Variants in TRPC1 observed in about 807,000 individuals in gnomAD.
The protein encoded by TRPC1 is short transient receptor potential channel 1.
TRPC1 carries 42 observed loss-of-function variants against 88.2 expected under a neutral mutation model. The observed-to-expected ratio is 0.48, with a 90% CI of 0.37 to 0.62. TRPC1 has a LOEUF of 0.62. Ranked by LOEUF, TRPC1 falls within the 20% of genes least tolerant of loss-of-function variation. The pLI, the probability that TRPC1 is intolerant of heterozygous loss-of-function variation, is 0.00. For synonymous variants in TRPC1, 288 were observed against 331.8 expected (o/e 0.87, Z 1.43); for missense variants, 699 against 957.3 (o/e 0.73, Z 3.56).
At chr3:142,762,223 A>G (rs1935204719) in intron 4 of TRPC1, among the ~76,000 whole-genome samples, 1 of 151,922 alleles carries the variant, frequency 6.6e-6, no homozygotes, top group Non-Finnish European at 1.5e-5. Flanking sequence ...TTTTGTAGAG[A>G]TGGGGTTTCA....
At chr3:142,797,253 TC>T (rs1936483012) in intron 9 of TRPC1, among the ~76,000 whole-genome samples, 1 of 151,730 alleles carries the variant, frequency 6.6e-6, no homozygotes, top group Non-Finnish European at 1.5e-5. Context: ...CTAAAGTTCC[TC>T]CCCTTCCTAC....
At chr3:142,794,527 A>T (rs1404669449) in intron 9 of TRPC1, among the ~76,000 whole-genome samples, 2 of 152,168 alleles carry the variant, frequency 1.3e-5, no homozygotes, top group African/African-American at 4.8e-5. Flanking sequence ...GTGATCTCTA[A>T]GAAACAAGAA....
At chr3:142,781,125 C>A in intron 6 of TRPC1, 96 bp downstream of exon 6, 2 of 972,164 alleles carry the variant, frequency 2.1e-6, no homozygotes, top group Non-Finnish European at 2.8e-6. Context: ...GGGTTAAGAT[C>A]CTAGTTCTGC....
intron 5 of TRPC1, among the ~76,000 whole-genome samples, chr3:142,778,236 C>T (rs571112123): frequency 6.6e-6 from 1 of 152,144 alleles, no homozygotes; most frequent in African/African-American, 2.4e-5. Flanking sequence ...TCACTATTTG[C>T]TCAGATTTTC....
rs1421980985 is a variant in TRPC1, at chr3:142,767,922, A to C, written c.633-9710A>C. Among the ~76,000 whole-genome samples the C allele has an allele frequency of 5.4e-5, 8 of 149,530 alleles. No homozygotes were observed. The highest frequency in any genetic ancestry group is 1.2e-4 in the Non-Finnish European group (8 of 67,196). ...AATTGTGTGTGTATGTTTTTTTTTT[A>C]ACTTTTCTGATGGTATCCTTTGAAG... On this transcript the variant is annotated intron_variant, in intron 4 of 12. Coordinates refer to ENST00000476941, the MANE Select transcript of TRPC1 (RefSeq NM_001251845.2). This position sits in a 1 kb window ranked among gnomAD's most constrained non-coding sequence, Gnocchi z 5.1.
intron 7 of TRPC1, among the ~76,000 whole-genome samples, chr3:142,787,690 T>A (rs968327456): frequency 1.4e-4 from 22 of 152,058 alleles, no homozygotes; most frequent in African/African-American, 2.4e-5. Context: ...AAAAGCCAAA[T>A]AAAACCATCA....
At position 142,804,063 on chromosome 3, in the gene TRPC1, A is replaced by G. The variant is rs1436741726; in HGVS notation, c.1844A>G (p.Glu615Gly). The change falls in exon 11 of 13, where the codon GAA (glutamate) becomes GGA (glycine). Residue 615 changes from glutamate to glycine, a missense_variant. By Grantham distance (98) the Glu-to-Gly change is moderately conservative (BLOSUM62 -2). Around this residue, in one of 4 missense-constraint regions of TRPC1, gnomAD observed 426 missense variants for 641.3 expected, o/e 0.66. Transcript: ENST00000476941. The part of the protein sequence containing the change: ...AIFVTRFSYG[E>G]ELQSFVGAVI... ...TTTGTCACAAGATTTAGCTATGGAG[A>G]AGAACTGCAGTCCTTTGTGGGAGCT... 2 of 1,613,694 alleles carry G rather than the reference A, an allele frequency of 1.2e-6. No homozygotes were observed. The highest frequency in any genetic ancestry group is 8.5e-7 in the Non-Finnish European group (1 of 1,179,870).
rs1007551569 is a variant in TRPC1, at chr3:142,806,332, TAAAG to T, written c.*100_*103del. 53 of 916,910 alleles carry T rather than the reference TAAAG, an allele frequency of 5.8e-5. No individual in the cohort carries two copies. Among genetic ancestry groups the T allele is most frequent in the Non-Finnish European group, 7.7e-5 (48 of 620,430 alleles). The allele number at this position is 916,910 out of a possible 1,614,324, so 56.8% of individuals were successfully genotyped here. ...GAAATTAATGAGATATATATTGAAA[TAAAG>T]AATTATGTAAAAGCCATTCTTTAAA... On this transcript the variant is annotated 3_prime_UTR_variant, in exon 13 of 13. Coordinates refer to ENST00000476941, the MANE Select transcript of TRPC1 (RefSeq NM_001251845.2).
intron 4 of TRPC1, among the ~76,000 whole-genome samples, chr3:142,754,789 C>T (rs1046268776): frequency 9.9e-5 from 15 of 152,014 alleles, no homozygotes; most frequent in Non-Finnish European, 2.9e-5. Flanking sequence ...AGGAAAATGG[C>T]TTGGGAGAGA....
rs375641789 is a variant in TRPC1 at position 142,791,210 on chromosome 3, T to C, written c.1437+52T>C. 11 of 1,504,606 alleles carry C rather than the reference T, an allele frequency of 7.3e-6. No individual in the cohort carries two copies. The African/African-American group carries it at 1.3e-4, about 17-fold the overall frequency. 93.2% of individuals were successfully genotyped at this position (1,504,606 alleles called of 1,614,324 possible). On this transcript the variant is annotated intron_variant, in intron 8 of 12. Coordinates refer to ENST00000476941, the MANE Select transcript of TRPC1 (RefSeq NM_001251845.2). Reference sequence around the variant, plus strand: ...GCACAAATTAAGTTTATTTTGGAAATAGCTAAGATATTTAGCTATGTAACT... The same window carrying C: ...GCACAAATTAAGTTTATTTTGGAAACAGCTAAGATATTTAGCTATGTAACT...
intron 4 of TRPC1, among the ~76,000 whole-genome samples, chr3:142,761,792 C>T (rs1025786038): frequency 6.6e-6 from 1 of 152,028 alleles, no homozygotes; most frequent in Non-Finnish European, 1.5e-5. Flanking sequence ...CTTCATGGCT[C>T]AATCATGGTA....
intron 4 of TRPC1, among the ~76,000 whole-genome samples, chr3:142,755,485 CA>C (rs1446915717): frequency 6.6e-6 from 1 of 152,204 alleles, no homozygotes; most frequent in African/African-American, 2.4e-5. Flanking sequence ...CTAGTCTCAT[CA>C]ATGGCTTAGT....
At chr3:142,752,371 G>C (rs918454165) in intron 4 of TRPC1, among the ~76,000 whole-genome samples, 1 of 152,380 alleles carries the variant, frequency 6.6e-6, no homozygotes, top group Non-Finnish European at 1.5e-5. Flanking sequence ...GGACGTGCAC[G>C]TAGGCCAGAT....
intron 4 of TRPC1, among the ~76,000 whole-genome samples, chr3:142,758,691 A>G (rs1462147128): frequency 6.6e-6 from 1 of 150,922 alleles, no homozygotes; most frequent in Non-Finnish European, 1.5e-5. Flanking sequence ...TTTTTTTTCA[A>G]TTATACTTTA....
intron 9 of TRPC1, among the ~76,000 whole-genome samples, chr3:142,797,910 A>C (rs1936501016): frequency 6.6e-6 from 1 of 152,166 alleles, no homozygotes; most frequent in South Asian, 2.1e-4. Context: ...GATAATTATC[A>C]GATTTAATTT....
intron 4 of TRPC1, among the ~76,000 whole-genome samples, chr3:142,763,999 CAT>C (rs1387615813): frequency 0.033 from 1,320 of 39,748 alleles, 55 homozygotes; most frequent in African/African-American, 0.11. Context: ...TACATACATA[CAT>C]ATATATATAT....
rs772445938 is a variant in TRPC1 at position 142,807,495 on chromosome 3, T to C, written c.*1260T>C. 3.3e-5 allele frequency: 5 copies of C among 152,218 alleles called. No homozygotes were observed. Among genetic ancestry groups the C allele is most frequent in the Non-Finnish European group, 5.9e-5 (4 of 68,030 alleles). 9.4% of individuals were successfully genotyped at this position (152,218 alleles called of 1,614,324 possible). A position where few individuals can be genotyped will look rare whatever the true frequency, so the allele number is the denominator to read the frequency against. Reference sequence around the variant, plus strand: ...ATATAATTCTCTTCTTAACCGAATGTCAGATGGTCTTACGCCACAGGGTGC... The same window carrying C: ...ATATAATTCTCTTCTTAACCGAATGCCAGATGGTCTTACGCCACAGGGTGC... On this transcript the variant is annotated 3_prime_UTR_variant, in exon 13 of 13. Coordinates refer to ENST00000476941, the MANE Select transcript of TRPC1 (RefSeq NM_001251845.2).
rs139392385 is a variant in TRPC1, at chr3:142,805,774, G to A, written c.2155-234G>A. On this transcript the variant is annotated intron_variant, in intron 12 of 12. Coordinates refer to ENST00000476941, the MANE Select transcript of TRPC1 (RefSeq NM_001251845.2). ...TTTGCCAATCCCTGCTATAAACTAAGGATTCCTAAGACTAATTTTTTTCAA... is the reference window on the plus strand; with the variant it reads ...TTTGCCAATCCCTGCTATAAACTAAAGATTCCTAAGACTAATTTTTTTCAA... Among the ~76,000 whole-genome samples the A allele has an allele frequency of 7.9e-4, 120 of 152,020 alleles. 1 individual carries two copies. The highest frequency in any genetic ancestry group is 3.3e-3 in the East Asian group (17 of 5,160).
Position 142,781,035 on chromosome 3 carries a change from A to C in TRPC1, c.960+6A>C, listed in dbSNP as rs1560111952. On this transcript the variant is annotated splice_donor_region_variant and intron_variant, in intron 6 of 12. Transcript: ENST00000476941. ...TCAAATATAACCAGAAAGAGGTATG[A>C]GGCTTTCTGTAATATATTTAAATTA... 3 of 1,602,448 alleles carry C rather than the reference A, an allele frequency of 1.9e-6. No homozygotes were observed. Among genetic ancestry groups the C allele is most frequent in the Non-Finnish European group, 2.6e-6 (3 of 1,175,622 alleles).
Sources: gnomAD v4.1 joint callset for allele counts (sites outside exome capture counted in the v4.1 genomes callset) on GRCh38, gnomAD v4.1.1 for gene constraint, gnomAD v4.1.1 regional missense constraint, Gnocchi (gnomAD v3.1) non-coding constraint, MANE v1.5 for transcripts, NCBI Gene and HGNC (gene_info 2026-07-23, HGNC 2026-07-21) for gene names.